The following MAP1A variants were observed in gnomAD, a reference collection of about 807,000 sequenced individuals.
MAP1A encodes microtubule associated protein 1A.
A neutral mutation model predicts 185.9 loss-of-function variants in MAP1A; 42 were observed. That is an observed-to-expected ratio of 0.23 (90% CI 0.18 to 0.29). MAP1A has a LOEUF of 0.29. MAP1A is among the 10% of genes least tolerant of loss of function. The probability of loss-of-function intolerance (pLI) is 1.00; values close to 1 mark genes in which losing one functional copy is unlikely to be tolerated. For missense variants in MAP1A, 2,995 were observed against 3,450.4 expected (o/e 0.87, Z 3.31); for synonymous variants, 1,229 against 1,335.9 (o/e 0.92, Z 1.74).
At position 43,527,855 on chromosome 15, in the gene MAP1A, CCT is replaced by C. The variant is rs770652030; in HGVS notation, c.6384_6385del (p.His2129ProfsTer14). On this transcript the variant is annotated frameshift_variant, in exon 4 of 6. Coordinates refer to ENST00000300231, the MANE Select transcript of MAP1A (RefSeq NM_002373.6). LOFTEE classifies it high-confidence loss of function. ...PEKEAQSPSP[P>X]HPIPMGSPTL... ...AAAAGAGGCCCAATCCCCAAGTCCT[CCT>C]CACCCCATTCCTATGGGGTCCCCCA... is the stretch of plus-strand genomic sequence containing the variant. The C allele has an allele frequency of 6.2e-7, 1 of 1,614,160 alleles. No homozygotes were observed. The highest frequency in any genetic ancestry group is 1.1e-5 in the South Asian group (1 of 91,078).
Position 43,527,544 on chromosome 15 carries a change from A to G in MAP1A, c.6071A>G (p.Lys2024Arg), listed in dbSNP as rs1242792452. The change falls in exon 4 of 6, where the codon AAG (lysine) becomes AGG (arginine). Residue 2024 changes from lysine (K) to arginine (R), a missense_variant. Lys to Arg is a conservative substitution (Grantham distance 26, BLOSUM62 2). Coordinates refer to ENST00000300231, the MANE Select transcript of MAP1A (RefSeq NM_002373.6). ...EKELSSPISPKSLQSDTPTFS... is the reference protein window; with the variant it reads ...EKELSSPISPRSLQSDTPTFS... ...GAGCTTTCATCTCCTATCTCACCCA[A>G]GAGCCTCCAGTCTGACACTCCAACC... is the stretch of plus-strand genomic sequence containing the variant. 1.2e-6 allele frequency: 2 copies of G among 1,613,968 alleles called. No homozygotes were observed. The highest frequency in any genetic ancestry group is 2.7e-5 in the African/African-American group (2 of 74,908).
chr15:43,518,644 T>G (rs1363264513), intron 1 of MAP1A, among the ~76,000 whole-genome samples: 1 of 148,030 alleles, frequency 6.8e-6, no homozygotes. Flanking sequence ...ACGGTCCCCC[T>G]CCCCTTCTGC....
At chr15:43,515,107 C>T (rs1417774770), upstream of MAP1A, among the ~76,000 whole-genome samples, 2 of 152,008 alleles carry the variant, frequency 1.3e-5, no homozygotes, top group Non-Finnish European at 2.9e-5. Flanking sequence ...CCCAGCTACT[C>T]GGGAGGCAGG....
Position 43,521,429 on chromosome 15 carries a change from G to A in MAP1A, c.-45G>A. The A allele has an allele frequency of 1.9e-6, 3 of 1,614,128 alleles. No individual in the cohort carries two copies. Among genetic ancestry groups the A allele is most frequent in the Non-Finnish European group, 2.5e-6 (3 of 1,180,004 alleles). ...CCACCTGGGATTATCCAGTTCCCAA[G>A]AGACCCTGCACCTCCGGCTAAACCC... is the stretch of plus-strand genomic sequence containing the variant. On this transcript the variant is annotated 5_prime_UTR_variant, in exon 4 of 6. Coordinates refer to ENST00000300231, the MANE Select transcript of MAP1A (RefSeq NM_002373.6). The surrounding 1 kb of genome is among the most constrained non-coding windows in gnomAD (Gnocchi z 4.6).
At chr15:43,511,299 A>C (rs1029220604) in intron 1 of MAP1A, 8 of 1,165,526 alleles carry the variant, frequency 6.9e-6, no homozygotes, top group Non-Finnish European at 9.9e-6. Flanking sequence ...TCAACTACCA[A>C]TGCATACGTC....
In MAP1A at chr15:43,522,364, G is replaced by C. The variant is rs763622955; in HGVS notation, c.891G>C (p.Lys297Asn). 2.3e-5 allele frequency: 37 copies of C among 1,614,084 alleles called. No individual in the cohort carries two copies. Among genetic ancestry groups the C allele is most frequent in the Non-Finnish European group, 3.1e-5 (36 of 1,180,052 alleles). ...TGCGTTACCCTGTGGCCACGCAGAA[G>C]GACCTGGCTTCTGGGGCTGTGCCTA... is the stretch of plus-strand genomic sequence containing the variant. ...DFLRYPVATQKDLASGAVPTN... is the reference protein window; with the variant it reads ...DFLRYPVATQNDLASGAVPTN... Residue 297 changes from lysine to asparagine, a missense_variant, in exon 4 of 6, where the codon AAG (lysine) becomes AAC (asparagine). By Grantham distance (94) the Lys-to-Asn change is moderately conservative (BLOSUM62 0). This residue lies in a region of MAP1A where 264 missense variants were observed against 435.3 expected (regional missense o/e 0.61). Coordinates refer to ENST00000300231, the MANE Select transcript of MAP1A (RefSeq NM_002373.6). The surrounding 1 kb of genome is among the most constrained non-coding windows in gnomAD (Gnocchi z 5.9).
Position 43,524,216 on chromosome 15 carries a change from T to C in MAP1A, c.2743T>C (p.Phe915Leu). 6.2e-7 allele frequency: 1 copy of C among 1,614,150 alleles called. No homozygotes were observed. Among genetic ancestry groups the C allele is most frequent in the Non-Finnish European group, 8.5e-7 (1 of 1,180,022 alleles). Residue 915 changes from phenylalanine (F) to leucine (L), a missense_variant, in exon 4 of 6, where the codon TTC becomes CTC. Transcript: ENST00000300231. ...CTTCAAATCACCACCCTGTGAGGAC[T>C]TCTCTGTGACTGGGGAGTCAGAGAA... ...KGFKSPPCED[F>L]SVTGESEKRG... is the part of the protein sequence containing the mutation.
At position 43,527,185 on chromosome 15, in the gene MAP1A, C is replaced by A. The variant is rs371901088; in HGVS notation, c.5712C>A (p.Pro1904=). 75 of 1,613,870 alleles carry A rather than the reference C, an allele frequency of 4.6e-5. 1 individual carries two copies. The Admixed American group carries it at 5.7e-4, about 12-fold the overall frequency. Residue 1904 remains proline (P), a synonymous_variant, in exon 4 of 6, where the codon CCC becomes CCA. Transcript: ENST00000300231. ...AGTTGGAAGGTGGGCCATACTCCCC[C>A]CTGGGGAAGGACTACCGCAAGGCTG... ...AAELEGGPYS[P]LGKDYRKAEG...
Position 43,523,687 on chromosome 15 carries a change from G to A in MAP1A, c.2214G>A (p.Glu738=), listed in dbSNP as rs1048848206. The change falls in exon 4 of 6, where the codon GAG becomes GAA. Residue 738 remains glutamate (E), a synonymous_variant. Coordinates refer to ENST00000300231, the MANE Select transcript of MAP1A (RefSeq NM_002373.6). The part of the protein sequence containing the change: ...ATEHVSYIQD[E]TIPGYSETEQ... ...AGCATGTCTCTTACATCCAGGATGA[G>A]ACAATCCCTGGCTACTCAGAGACTG... The A allele has an allele frequency of 6.2e-7, 1 of 1,613,776 alleles. No individual in the cohort carries two copies. Among genetic ancestry groups the A allele is most frequent in the African/African-American group, 1.3e-5 (1 of 74,926 alleles).
Position 43,524,484 on chromosome 15 carries a change from G to A in MAP1A, c.3011G>A (p.Ser1004Asn), listed in dbSNP as rs1414841997. ...MASPPPSGPP[S>N]ATHTPFHQSP... Reference sequence around the variant, plus strand: ...TCTCCTCCACCATCTGGCCCACCCAGTGCCACCCACACACCCTTTCATCAG... The same window carrying A: ...TCTCCTCCACCATCTGGCCCACCCAATGCCACCCACACACCCTTTCATCAG... The change falls in exon 4 of 6, where the codon AGT becomes AAT. Residue 1004 changes from serine (S) to asparagine (N), a missense_variant. Physicochemically the swap from Ser to Asn is conservative, Grantham distance 46 (BLOSUM62 1). Transcript: ENST00000300231. 1 of 1,614,112 alleles carries A rather than the reference G, an allele frequency of 6.2e-7. No individual in the cohort carries two copies.
Position 43,530,380 on chromosome 15 carries a change from GTCCC to G in MAP1A, c.*161_*164del, listed in dbSNP as rs1397999132. The stretch of plus-strand genomic sequence containing the variant: ...TGGGCTGGGCTAAATGGGAGGGGTT[GTCCC>G]TCCCCATCATCCATTCCTGTGAGGT... On this transcript the variant is annotated 3_prime_UTR_variant, in exon 6 of 6. Coordinates refer to ENST00000300231, the MANE Select transcript of MAP1A (RefSeq NM_002373.6). 3 of 852,824 alleles carry G rather than the reference GTCCC, an allele frequency of 3.5e-6. No homozygotes were observed. Among genetic ancestry groups the G allele is most frequent in the Admixed American group, 2.9e-5 (1 of 34,920 alleles). The allele number at this position is 852,824 out of a possible 1,614,324, so 52.8% of individuals were successfully genotyped here.
chr15:43,530,181 T>G lies in MAP1A; in HGVS notation c.8369T>G (p.Val2790Gly). The change falls in exon 6 of 6, where the codon GTG becomes GGG. Residue 2790 changes from valine (V) to glycine (G), a missense_variant. Transcript: ENST00000300231. ...VLVLASSSTVVMQDESFPACK... is the reference protein window; with the variant it reads ...VLVLASSSTVGMQDESFPACK... ...GTCCTGGCTAGCAGCAGCACCGTGG[T>G]GATGCAGGATGAGTCCTTCCCTGCC... 1.2e-6 allele frequency: 2 copies of G among 1,614,168 alleles called. No homozygotes were observed. The highest frequency in any genetic ancestry group is 8.5e-7 in the Non-Finnish European group (1 of 1,180,020).
chr15:43,527,597 A>G lies in MAP1A; in HGVS notation c.6124A>G (p.Thr2042Ala). ...TFSYAALAGP[T>A]VPPRPEPGPS... ...CAGCTATGCAGCCCTGGCAGGACCC[A>G]CTGTACCCCCAAGGCCAGAGCCAGG... is the stretch of plus-strand genomic sequence containing the variant. The change falls in exon 4 of 6, where the codon ACT becomes GCT. Residue 2042 changes from threonine to alanine, a missense_variant. Thr to Ala is a moderately conservative substitution (Grantham distance 58). Transcript: ENST00000300231. 6.2e-7 allele frequency: 1 copy of G among 1,614,048 alleles called. No homozygotes were observed. Among genetic ancestry groups the G allele is most frequent in the Non-Finnish European group, 8.5e-7 (1 of 1,179,996 alleles).
chr15:43,526,911 C>T lies in MAP1A; in HGVS notation c.5438C>T (p.Ala1813Val). The change falls in exon 4 of 6, where the codon GCC becomes GTC. Residue 1813 changes from alanine (A) to valine (V), a missense_variant. Around this residue, in one of 3 missense-constraint regions of MAP1A, gnomAD observed 2,728 missense variants for 2,986.0 expected, o/e 0.91. Coordinates refer to ENST00000300231, the MANE Select transcript of MAP1A (RefSeq NM_002373.6). This position sits in a 1 kb window ranked among gnomAD's most constrained non-coding sequence, Gnocchi z 4.7. The part of the protein sequence containing the change: ...PEMVGQRVPS[A>V]PGQESPIPDP... ...ATGGTTGGACAAAGGGTTCCTTCAG[C>T]CCCAGGACAAGAGAGTCCTATCCCA... 6.2e-7 allele frequency: 1 copy of T among 1,614,096 alleles called. No individual in the cohort carries two copies. Among genetic ancestry groups the T allele is most frequent in the Non-Finnish European group, 8.5e-7 (1 of 1,180,002 alleles).
rs1459838187 is a variant in MAP1A, at chr15:43,531,047, CTCTGCATGTGGTCA to C, written c.*829_*842del. 1 of 152,692 alleles carries C rather than the reference CTCTGCATGTGGTCA, an allele frequency of 6.5e-6. No individual in the cohort carries two copies. The highest frequency in any genetic ancestry group is 6.6e-5 in the Admixed American group (1 of 15,264). 9.5% of individuals were successfully genotyped at this position (152,692 alleles called of 1,614,324 possible). On this transcript the variant is annotated 3_prime_UTR_variant, in exon 6 of 6. Coordinates refer to ENST00000300231, the MANE Select transcript of MAP1A (RefSeq NM_002373.6). ...TCCCTTCTCATCCCCTGCTTGGCTTCTCTGCATGTGGTCATCTGCTGTGGCTTGGTGTTTAATGG... is the reference window on the plus strand; with the variant it reads ...TCCCTTCTCATCCCCTGCTTGGCTTCTCTGCTGTGGCTTGGTGTTTAATGG...
chr15:43,510,959 C>G (rs1212747151), exon 1 of MAP1A: 2 of 1,467,216 alleles, frequency 1.4e-6, no homozygotes, highest in Admixed American at 4.2e-5. Flanking sequence ...GCAGCGGAAG[C>G]TGCCGGACTA....
At chr15:43,513,673 T>C (rs1480479928), upstream of MAP1A, among the ~76,000 whole-genome samples, 1 of 152,248 alleles carries the variant, frequency 6.6e-6, no homozygotes, top group Admixed American at 6.5e-5. Flanking sequence ...TTTATATTAA[T>C]ATATGTGAGG....
At chr15:43,519,293 G>T (rs2079310699) in intron 1 of MAP1A, among the ~76,000 whole-genome samples, 2 of 152,120 alleles carry the variant, frequency 1.3e-5, no homozygotes, top group Non-Finnish European at 2.9e-5. Flanking sequence ...CCCAACCCAC[G>T]CTGTATGGGG....
rs774969824 is a variant in MAP1A, at chr15:43,529,858, G to A, written c.8244G>A (p.Gly2748=). Residue 2748 remains glycine (G), a synonymous_variant, in exon 5 of 6, where the codon GGG becomes GGA. Coordinates refer to ENST00000300231, the MANE Select transcript of MAP1A (RefSeq NM_002373.6). The surrounding 1 kb of genome is among the most constrained non-coding windows in gnomAD (Gnocchi z 4.3). ...TGCTGGAGGGCAAGGCCCAGTGGGG[G>A]GAGAATCTTCAGGTGAGTAGCAAAG... ...DALLEGKAQW[G]ENLQVTLIPT... 2.5e-6 allele frequency: 4 copies of A among 1,613,474 alleles called. No homozygotes were observed. In the South Asian group the frequency reaches 3.3e-5, roughly 13 times the overall value.
Sources: gnomAD v4.1 joint callset for allele counts (sites outside exome capture counted in the v4.1 genomes callset) on GRCh38, gnomAD v4.1.1 for gene constraint, gnomAD v4.1.1 regional missense constraint, Gnocchi (gnomAD v3.1) non-coding constraint, MANE v1.5 for transcripts, NCBI Gene and HGNC (gene_info 2026-07-23, HGNC 2026-07-21) for gene names.